Variants in PCDHA6 observed in about 807,000 individuals in gnomAD.
PCDHA6 encodes protocadherin alpha-6.
In PCDHA6, 55 loss-of-function variants were observed where a neutral mutation model predicts 60.3. The observed-to-expected ratio is 0.91, with a 90% CI of 0.73 to 1.14. The LOEUF (loss-of-function observed/expected upper bound fraction) is 1.14. PCDHA6 is among the 50% of genes most tolerant of loss of function. The pLI is 0.00. For missense variants in PCDHA6, 1,327 were observed against 1,256.5 expected, an observed-to-expected ratio of 1.06 and a Z score of -0.85; for synonymous variants, 652 against 557.9, an observed-to-expected ratio of 1.17 and a Z score of -2.38.
In PCDHA6 at chr5:140,975,255, C is replaced by A. The variant is rs530385456; in HGVS notation, c.2395-3694C>A. On this transcript the variant is annotated intron_variant, in intron 1 of 3. Transcript: ENST00000529310. ...ATGGAATCCCTCTTATGCTTCAGAT[C>A]TCTCTGATTTCTGTCTCTGACCTCT... Among the ~76,000 whole-genome samples, 6 of 152,334 alleles carry A rather than the reference C, an allele frequency of 3.9e-5. No individual in the cohort carries two copies. In the South Asian group the frequency reaches 1.2e-3, roughly 32 times the overall value.
At chr5:140,876,309 TG>T (rs782243460) in intron 1 of PCDHA6, 8 of 1,613,946 alleles carry the variant, frequency 5.0e-6, no homozygotes, top group Non-Finnish European at 6.8e-6. Flanking sequence ...AAATTTCCTA[TG>T]GGATCAAAAT....
chr5:140,937,317 G>C (rs1282380622), intron 1 of PCDHA6, among the ~76,000 whole-genome samples: 1 of 152,048 alleles, frequency 6.6e-6, no homozygotes, highest in Non-Finnish European at 1.5e-5. Context: ...GATTACAGGC[G>C]TGAGCCACCG....
chr5:140,838,179 T>A (rs1554136904), intron 1 of PCDHA6, among the ~76,000 whole-genome samples: 1 of 150,072 alleles, frequency 6.7e-6, no homozygotes, highest in East Asian at 2.0e-4. Context: ...AGTGGTGCAA[T>A]CTCAGCTCAC....
Position 140,968,743 on chromosome 5 carries a change from C to T in PCDHA6, c.2395-10206C>T, listed in dbSNP as rs112674082. On this transcript the variant is annotated intron_variant, in intron 1 of 3. Coordinates refer to ENST00000529310, the MANE Select transcript of PCDHA6 (RefSeq NM_018909.4). ...AGAGTGGTAGCACTTTCAACCTGAC[C>T]GTGGTGGTCCGAGATAATGGAGAGC... is the stretch of plus-strand genomic sequence containing the variant. The T allele has an allele frequency of 3.4e-5, 55 of 1,614,060 alleles. No individual in the cohort carries two copies. In the African/African-American group the frequency reaches 5.1e-4, roughly 15 times the overall value.
intron 2 of PCDHA6, among the ~76,000 whole-genome samples, chr5:140,980,627 T>C (rs1482574235): frequency 6.6e-6 from 1 of 151,860 alleles, no homozygotes; most frequent in African/African-American, 2.4e-5. Context: ...AGACTCTGTC[T>C]CAGAAGAATA....
chr5:140,949,260 T>C (rs1292112980), intron 1 of PCDHA6, among the ~76,000 whole-genome samples: 1 of 151,804 alleles, frequency 6.6e-6, no homozygotes, highest in Non-Finnish European at 1.5e-5. Flanking sequence ...GATGAACATA[T>C]CACGTGCACT....
chr5:140,983,924 A>G (rs1554245819), intron 3 of PCDHA6, among the ~76,000 whole-genome samples: 1 of 152,216 alleles, frequency 6.6e-6, no homozygotes, highest in African/African-American at 2.4e-5. Flanking sequence ...AGGATTTGCT[A>G]TTTATGGATG....
Position 140,967,363 on chromosome 5 carries a change from C to T in PCDHA6, c.2395-11586C>T, listed in dbSNP as rs539138806. On this transcript the variant is annotated intron_variant, in intron 1 of 3. Coordinates refer to ENST00000529310, the MANE Select transcript of PCDHA6 (RefSeq NM_018909.4). ...AGCACTTCGAGCTGGACCTTAAGCCCCTGCAGGAGAACAGTAAAGTGCTTG... is the reference window on the plus strand; with the variant it reads ...AGCACTTCGAGCTGGACCTTAAGCCTCTGCAGGAGAACAGTAAAGTGCTTG... The T allele has an allele frequency of 1.6e-5, 26 of 1,607,546 alleles. No homozygotes were observed. The South Asian group carries it at 2.9e-4, about 18-fold the overall frequency.
chr5:140,843,498 T>C (rs1554140141), intron 1 of PCDHA6: 1 of 1,595,918 alleles, frequency 6.3e-7, no homozygotes, highest in Admixed American at 1.7e-5. Flanking sequence ...TGCTCAGCAC[T>C]GCCCACTGAG....
At chr5:140,952,111 G>A (rs1040553968) in intron 1 of PCDHA6, among the ~76,000 whole-genome samples, 1 of 152,086 alleles carries the variant, frequency 6.6e-6, no homozygotes, top group Non-Finnish European at 1.5e-5. Context: ...ACTCGTGTGA[G>A]GGATGGGCTC....
intron 1 of PCDHA6, among the ~76,000 whole-genome samples, chr5:140,923,489 A>G (rs549066009): frequency 2.2e-4 from 34 of 152,300 alleles, no homozygotes; most frequent in African/African-American, 7.5e-4. Context: ...TCTTCACACC[A>G]CTGCACTCCA....
At chr5:141,002,312 C>T (rs1171531371) in intron 3 of PCDHA6, among the ~76,000 whole-genome samples, 1 of 152,230 alleles carries the variant, frequency 6.6e-6, no homozygotes, top group East Asian at 1.9e-4. Flanking sequence ...GGGGCCGAAA[C>T]CTGGAGGCCG....
intron 1 of PCDHA6, chr5:140,868,367 A>T (rs1172492575): frequency 1.3e-5 from 2 of 152,208 alleles, no homozygotes; most frequent in African/African-American, 4.8e-5. Context: ...AAATGTAAAT[A>T]ACAGTAAAGA....
chr5:140,875,932 C>T, intron 1 of PCDHA6: 3 of 1,614,154 alleles, frequency 1.9e-6, no homozygotes, highest in South Asian at 1.1e-5. Flanking sequence ...TCATTTTCCT[C>T]TAGAGGGCGC....
At chr5:140,875,830 G>T in intron 1 of PCDHA6, 1 of 1,614,226 alleles carries the variant, frequency 6.2e-7, no homozygotes, top group South Asian at 1.1e-5. Context: ...TTTCCATGTG[G>T]ACGTGGAGGT....
intron 3 of PCDHA6, among the ~76,000 whole-genome samples, chr5:140,998,569 G>GT (rs71574497): frequency 0.37 from 55,088 of 149,258 alleles, 10,597 homozygotes; most frequent in African/African-American, 0.48. Flanking sequence ...TTGTAAATAA[G>GT]TTTTTTTTTT....
At chr5:140,881,940 G>A (rs1273995753) in intron 1 of PCDHA6, 1 of 295,968 alleles carries the variant, frequency 3.4e-6, no homozygotes, top group Non-Finnish European at 6.2e-6. Flanking sequence ...TGCTGTTTCT[G>A]GGAAGGTAAA....
chr5:140,828,622 C>T lies in PCDHA6; in HGVS notation c.531C>T (p.Tyr177=). 7.4e-6 allele frequency: 12 copies of T among 1,614,144 alleles called. 1 individual carries two copies. In the South Asian group the frequency reaches 1.3e-4, roughly 18 times the overall value. Residue 177 remains tyrosine (Y), a synonymous_variant, in exon 1 of 4, where the codon TAC becomes TAT. Transcript: ENST00000529310. ...CCTATAAACTCAGTTCTAGCGAATA[C>T]TTCGGGCTAGATGTGAAAATAAACA... ...ILTYKLSSSE[Y]FGLDVKINSD...
intron 1 of PCDHA6, among the ~76,000 whole-genome samples, chr5:140,845,131 G>A (rs1779712441): frequency 6.7e-6 from 1 of 149,158 alleles, no homozygotes; most frequent in South Asian, 2.1e-4. Flanking sequence ...CATTTTATTT[G>A]ACTATTTGAA....
Sources: allele counts gnomAD v4.1 joint callset (sites outside exome capture counted in the v4.1 genomes callset), GRCh38; gene constraint gnomAD v4.1.1; transcripts MANE v1.5; gene names NCBI Gene and HGNC (gene_info 2026-07-23, HGNC 2026-07-21).